Variants in DNAAF4 observed in about 807,000 individuals in gnomAD.
The protein encoded by DNAAF4 is dynein assembly factor 4, axonemal.
Under a neutral mutation model 51.8 loss-of-function variants are expected in DNAAF4, and 43 were observed. The ratio of observed to expected loss-of-function variants is 0.83; its 90% CI spans 0.65 to 1.07. The LOEUF is 1.07. DNAAF4 is among the 50% of genes least tolerant of loss of function. DNAAF4 has a pLI of 0.00. For missense variants in DNAAF4, 581 were observed against 493.0 expected (o/e 1.18, Z -1.69); for synonymous variants, 194 against 165.6 (o/e 1.17, Z -1.32).
intron 4 of DNAAF4, among the ~76,000 whole-genome samples, chr15:55,468,588 G>A (rs901463767): frequency 6.6e-6 from 1 of 152,050 alleles, no homozygotes; most frequent in African/African-American, 2.4e-5. Context: ...CCTAAAAGAC[G>A]ACTTCACCCA....
At chr15:55,473,198 AAT>A (rs1555418732) in intron 4 of DNAAF4, among the ~76,000 whole-genome samples, 3,096 of 75,730 alleles carry the variant, frequency 0.041, 554 homozygotes, top group African/African-American at 0.16. Flanking sequence ...AAAAAAAAAA[AAT>A]ATATATATAT....
chr15:55,424,348 C>A (rs1377335796), intron 7 of DNAAF4, among the ~76,000 whole-genome samples: 1 of 152,172 alleles, frequency 6.6e-6, no homozygotes, highest in Non-Finnish European at 1.5e-5. Context: ...GAACCATGAA[C>A]CAAATAAATC....
At chr15:55,445,034 T>C (rs1257807567) in intron 6 of DNAAF4, among the ~76,000 whole-genome samples, 7 of 93,696 alleles carry the variant, frequency 7.5e-5, no homozygotes, top group Non-Finnish European at 1.1e-4. Flanking sequence ...TGAATACCCT[T>C]TTTTTTTTTT....
chr15:55,427,492 G>A (rs892493423), downstream of DNAAF4, among the ~76,000 whole-genome samples: 1 of 152,102 alleles, frequency 6.6e-6, no homozygotes, highest in Non-Finnish European at 1.5e-5. Flanking sequence ...TTCCTGGTTG[G>A]GGGGGCCACA....
intron 7 of DNAAF4, among the ~76,000 whole-genome samples, chr15:55,423,369 G>A (rs2057403837): frequency 6.6e-6 from 1 of 151,846 alleles, no homozygotes; most frequent in African/African-American, 2.4e-5. Flanking sequence ...CACCATGCCT[G>A]GCTAACTTTT....
chr15:55,446,969 G>T (rs1238570490), intron 6 of DNAAF4, among the ~76,000 whole-genome samples: 1 of 140,220 alleles, frequency 7.1e-6, no homozygotes, highest in Non-Finnish European at 1.5e-5. Context: ...CCGGGCAGAG[G>T]CGCTCCCCAC....
chr15:55,459,075 C>CAAA (rs35467433), intron 5 of DNAAF4, among the ~76,000 whole-genome samples: 1 of 71,998 alleles, frequency 1.4e-5, no homozygotes. Flanking sequence ...GACTCTGTCT[C>CAAA]AAAAAAAAAA....
chr15:55,446,385 C>T (rs1440268018), intron 6 of DNAAF4, among the ~76,000 whole-genome samples: 14 of 116,196 alleles, frequency 1.2e-4, no homozygotes, highest in East Asian at 3.0e-4. Context: ...AGATGATGGG[C>T]GGCCGGGCAG....
rs929660807 is a variant in DNAAF4, at chr15:55,477,581, C to T, written c.406-10420G>A. On this transcript the variant is annotated intron_variant, in intron 4 of 9. Coordinates refer to ENST00000321149, the MANE Select transcript of DNAAF4 (RefSeq NM_130810.4). ...TAGATTGTGATCAGTTAAAGGAACACAGAACAACCACTGAAAAATAAATTT... is the reference window on the plus strand; with the variant it reads ...TAGATTGTGATCAGTTAAAGGAACATAGAACAACCACTGAAAAATAAATTT... Among the ~76,000 whole-genome samples, 21 of 151,886 alleles carry T rather than the reference C, an allele frequency of 1.4e-4. No individual in the cohort carries two copies. The South Asian group carries it at 3.7e-3, about 27-fold the overall frequency.
chr15:55,478,063 G>C (rs372462145), intron 4 of DNAAF4, among the ~76,000 whole-genome samples: 10 of 152,066 alleles, frequency 6.6e-5, no homozygotes, highest in East Asian at 5.8e-4. Context: ...AGGGGCCCAG[G>C]GCCTTCCTCA....
intron 7 of DNAAF4, among the ~76,000 whole-genome samples, chr15:55,423,652 G>T (rs1263415353): frequency 1.3e-5 from 2 of 152,096 alleles, no homozygotes; most frequent in African/African-American, 4.8e-5. Context: ...CCTTAATATG[G>T]ACTAAAAAAG....
chr15:55,465,079 C>CAT (rs1264726379), intron 5 of DNAAF4, among the ~76,000 whole-genome samples: 1 of 152,032 alleles, frequency 6.6e-6, no homozygotes, highest in African/African-American at 2.4e-5. Flanking sequence ...TAAGAATGAC[C>CAT]ATAATTTAAA....
chr15:55,505,756 G>C (rs2058724034), intron 1 of DNAAF4, among the ~76,000 whole-genome samples: 1 of 151,992 alleles, frequency 6.6e-6, no homozygotes, highest in Admixed American at 6.6e-5. Flanking sequence ...TTACACACTG[G>C]GGCCTGTTGA....
At chr15:55,440,372 G>A (rs1401340334) in intron 6 of DNAAF4, among the ~76,000 whole-genome samples, 1 of 147,654 alleles carries the variant, frequency 6.8e-6, no homozygotes, top group African/African-American at 2.5e-5. Flanking sequence ...TTTTAATCTT[G>A]CAATATTTAT....
intron 5 of DNAAF4, among the ~76,000 whole-genome samples, chr15:55,463,030 T>G (rs1228082097): frequency 6.6e-6 from 1 of 152,078 alleles, no homozygotes; most frequent in Non-Finnish European, 1.5e-5. Flanking sequence ...AAAAGTTAGC[T>G]AGGTGTGGTG....
chr15:55,499,402 G>T (rs907966519), intron 1 of DNAAF4, among the ~76,000 whole-genome samples: 4 of 152,128 alleles, frequency 2.6e-5, no homozygotes, highest in African/African-American at 7.2e-5. Flanking sequence ...AACCTGACTG[G>T]GAACCTGGGC....
intron 4 of DNAAF4, among the ~76,000 whole-genome samples, chr15:55,487,206 A>G (rs2058502492): frequency 6.6e-6 from 1 of 152,222 alleles, no homozygotes; most frequent in African/African-American, 2.4e-5. Flanking sequence ...TGCACCAATC[A>G]GCGCTCTGTG....
At chr15:55,422,142 G>A (rs1430300048) in intron 7 of DNAAF4, among the ~76,000 whole-genome samples, 1 of 151,996 alleles carries the variant, frequency 6.6e-6, no homozygotes, top group East Asian at 1.9e-4. Flanking sequence ...TATATGGCTA[G>A]ATGTATAGAA....
chr15:55,440,320 G>A (rs1452711973), intron 6 of DNAAF4, among the ~76,000 whole-genome samples: 1 of 151,962 alleles, frequency 6.6e-6, no homozygotes, highest in Non-Finnish European at 1.5e-5. Flanking sequence ...CAAAGTGCTG[G>A]GATTATAGGC....
Sources: allele counts gnomAD v4.1 joint callset (sites outside exome capture counted in the v4.1 genomes callset), GRCh38; gene constraint gnomAD v4.1.1; transcripts MANE v1.5; gene names NCBI Gene and HGNC (gene_info 2026-07-23, HGNC 2026-07-21).